Variants in KRTAP5-5 observed in about 807,000 individuals in gnomAD.
The protein encoded by KRTAP5-5 is keratin associated protein 5-5, also known as keratin-associated protein 5-5.
KRTAP5-5 carries 1 observed loss-of-function variant against 2.8 expected under a neutral mutation model. The observed-to-expected ratio is 0.35, with a 90% CI of 0.13 to 1.67. The LOEUF (loss-of-function observed/expected upper bound fraction) is 1.67. KRTAP5-5 is among the 40% of genes most tolerant of loss of function. The pLI is 0.35. For synonymous variants in KRTAP5-5, 83 were observed against 110.6 expected (o/e 0.75, Z 1.57); for missense variants, 134 against 270.9 (o/e 0.49, Z 3.55).
chr11:1,630,779 G>A (rs1290109285), downstream of KRTAP5-5: 9 of 655,656 alleles, frequency 1.4e-5, no homozygotes, highest in African/African-American at 7.3e-5. Flanking sequence ...GATCCAAAGC[G>A]GCCCACTGAG....
exon 1 of KRTAP5-5, chr11:1,630,304 C>T: frequency 6.2e-7 from 1 of 1,612,138 alleles, no homozygotes. Flanking sequence ...TATGGCTGCT[C>T]CCAGTCCAGC....
At chr11:1,629,793 C>G (rs961782533) in exon 1 of KRTAP5-5, 1 of 1,610,996 alleles carries the variant, frequency 6.2e-7, no homozygotes, top group Non-Finnish European at 8.5e-7. Context: ...ACCTGCACCT[C>G]CCTCTCACCT....
exon 1 of KRTAP5-5, chr11:1,630,323 G>T (rs1849740752): frequency 1.9e-6 from 3 of 1,612,898 alleles, no homozygotes; most frequent in Non-Finnish European, 2.5e-6. Context: ...GCTGCTGCAA[G>T]CCCTGCTGCT....
rs76847396 is a variant in KRTAP5-5 at position 1,629,877 on chromosome 11, G to C, written c.37G>C (p.Gly13Arg). 4.1e-3 allele frequency: 6,648 copies of C among 1,608,650 alleles called. 278 individuals carry two copies. In the African/African-American group the frequency reaches 0.082, roughly 20 times the overall value. ...TGGCTGCTCCGGAGGCTGTGGCTCC[G>C]GCTGTGGAGGCCGTGGCTCCGGCTG... The change falls in exon 1 of 1, where the codon GGC (glycine) becomes CGC (arginine). Residue 13 changes from glycine to arginine, a missense_variant. Coordinates refer to ENST00000399676, the Ensembl canonical transcript of KRTAP5-5.
At chr11:1,630,897 G>A (rs188076702), downstream of KRTAP5-5, among the ~76,000 whole-genome samples, 1 of 152,236 alleles carries the variant, frequency 6.6e-6, no homozygotes, top group East Asian at 1.9e-4. Context: ...ACTGAATCCT[G>A]ACCCTCTAAA....
chr11:1,630,624 T>C, exon 1 of KRTAP5-5: 1 of 1,591,482 alleles, frequency 6.3e-7, no homozygotes, highest in South Asian at 1.1e-5. Flanking sequence ...TTGCCCTGGG[T>C]TCTCTGGTGC....
chr11:1,629,840 C>T, exon 1 of KRTAP5-5: 2 of 1,518,160 alleles, frequency 1.3e-6, no homozygotes, highest in Non-Finnish European at 1.8e-6. Context: ...CCACCAGAAC[C>T]ATGGGCTGCT....
At chr11:1,630,611 TCCTTGC>T in exon 1 of KRTAP5-5, 1 of 1,604,678 alleles carries the variant, frequency 6.2e-7, no homozygotes. Flanking sequence ...CTGCCCAGCT[TCCTTGC>T]CCTGGGTTCT....
chr11:1,630,601 C>G, exon 1 of KRTAP5-5: 1 of 1,610,616 alleles, frequency 6.2e-7, no homozygotes, highest in Admixed American at 1.7e-5. Flanking sequence ...AAGGGCCCGG[C>G]TGCCCAGCTT....
At chr11:1,630,826 G>C (rs1392789820), downstream of KRTAP5-5, 2 of 590,786 alleles carry the variant, frequency 3.4e-6, no homozygotes, top group South Asian at 2.1e-5. Context: ...GACCCTGACA[G>C]CTGCTCCTTC....
chr11:1,630,554 A>G (rs1849748406), exon 1 of KRTAP5-5: 1 of 1,611,228 alleles, frequency 6.2e-7, no homozygotes, highest in East Asian at 2.2e-5. Flanking sequence ...GTAAGATCTG[A>G]GGCTCTGACT....
chr11:1,630,382 C>A lies in KRTAP5-5; in HGVS notation c.542C>A (p.Pro181His), dbSNP rs377326691. 2.7e-5 allele frequency: 33 copies of A among 1,242,338 alleles called. No homozygotes were observed. Among genetic ancestry groups the A allele is most frequent in the Non-Finnish European group, 3.3e-5 (31 of 934,094 alleles). 77.0% of individuals were successfully genotyped at this position (1,242,338 alleles called of 1,614,324 possible). A position where few individuals can be genotyped will look rare whatever the true frequency, so the allele number is the denominator to read the frequency against. ...TGCTGCCAGTCCAGCTGCTGTAAGCCTTACTGCTGCCAGTCCAGCTGCTGT... is the reference window on the plus strand; with the variant it reads ...TGCTGCCAGTCCAGCTGCTGTAAGCATTACTGCTGCCAGTCCAGCTGCTGT... The change falls in exon 1 of 1, where the codon CCT becomes CAT. Residue 181 changes from proline to histidine, a missense_variant. Coordinates refer to ENST00000399676, the Ensembl canonical transcript of KRTAP5-5.
chr11:1,630,711 C>T, downstream of KRTAP5-5: 3 of 969,744 alleles, frequency 3.1e-6, no homozygotes, highest in Non-Finnish European at 4.7e-6. Context: ...AGGACCCCTT[C>T]TGGCTCATTG....
chr11:1,630,403 G>T (rs1340552352), exon 1 of KRTAP5-5: 1 of 708,932 alleles, frequency 1.4e-6, no homozygotes, highest in Non-Finnish European at 1.8e-6. Flanking sequence ...CAGTCCAGCT[G>T]CTGTAAGCCC....
At chr11:1,630,763 A>G (rs569568201), downstream of KRTAP5-5, 4 of 714,118 alleles carry the variant, frequency 5.6e-6, no homozygotes, top group African/African-American at 7.2e-5. Context: ...CTCCTCACTC[A>G]TTTAAGATCC....
chr11:1,630,430 G>C (rs1849744780), exon 1 of KRTAP5-5: 8 of 1,593,012 alleles, frequency 5.0e-6, no homozygotes, highest in Non-Finnish European at 6.9e-6. Flanking sequence ...TGCCAGTCCA[G>C]CTGCTGTAAG....
rs559627884 is a variant in KRTAP5-5 at position 1,630,407 on chromosome 11, T to C, written c.567T>C (p.Cys189=). The C allele has an allele frequency of 4.6e-5, 33 of 710,224 alleles. No individual in the cohort carries two copies. In the East Asian group the frequency reaches 1.8e-3, roughly 39 times the overall value. The allele number at this position is 710,224 out of a possible 1,614,324, so 44.0% of individuals were successfully genotyped here. A position where few individuals can be genotyped will look rare whatever the true frequency, so the allele number is the denominator to read the frequency against. The stretch of plus-strand genomic sequence containing the variant: ...CTTACTGCTGCCAGTCCAGCTGCTG[T>C]AAGCCCTACTGCTGCCAGTCCAGCT... Residue 189 remains cysteine (C), a synonymous_variant, in exon 1 of 1, where the codon TGT becomes TGC. Coordinates refer to ENST00000399676, the Ensembl canonical transcript of KRTAP5-5.
chr11:1,629,910 T>C (rs143524208), exon 1 of KRTAP5-5: 147,412 of 1,564,280 alleles, frequency 0.094, 8,485 homozygotes, highest in East Asian at 0.13. Flanking sequence ...CTGTGGGGGC[T>C]GTGGCTCCGG....
chr11:1,630,612 C>A lies in KRTAP5-5; in HGVS notation c.*58C>A, dbSNP rs992989654. 3.1e-6 allele frequency: 5 copies of A among 1,604,608 alleles called. No homozygotes were observed. The African/African-American group carries it at 4.0e-5, about 13-fold the overall frequency. On this transcript the variant is annotated 3_prime_UTR_variant, in exon 1 of 1. Coordinates refer to ENST00000399676, the Ensembl canonical transcript of KRTAP5-5. ...GGTGAAGGGCCCGGCTGCCCAGCTT[C>A]CTTGCCCTGGGTTCTCTGGTGCTCC...
Sources: allele counts gnomAD v4.1 joint callset (sites outside exome capture counted in the v4.1 genomes callset), GRCh38; gene constraint gnomAD v4.1.1; transcripts MANE v1.5; gene names NCBI Gene and HGNC (gene_info 2026-07-23, HGNC 2026-07-21).